Variants in GCDH observed in about 807,000 individuals in gnomAD.
GCDH encodes glutaryl-CoA dehydrogenase.
A neutral mutation model predicts 52.8 loss-of-function variants in GCDH; 31 were observed. The ratio of observed to expected loss-of-function variants is 0.59; its 90% CI spans 0.44 to 0.79. The LOEUF is 0.79. Among genes scored for constraint, GCDH ranks in the 30% least tolerant of loss-of-function variants. The pLI, the probability that GCDH is intolerant of heterozygous loss-of-function variation, is 0.00. For synonymous variants in GCDH, 242 were observed against 250.0 expected, an observed-to-expected ratio of 0.97 and a Z score of 0.30; for missense variants, 509 against 595.0, an observed-to-expected ratio of 0.86 and a Z score of 1.50.
chr19:12,897,579 A>G, intron 10 of GCDH, 124 bp from the exon 11 acceptor site: 1 of 1,433,422 alleles, frequency 7.0e-7, no homozygotes, highest in Non-Finnish European at 9.8e-7. Context: ...GGCTGAGGAC[A>G]GCCCCACTGG....
intron 6 of GCDH, chr19:12,894,763 TA>T: frequency 1.2e-6 from 1 of 830,334 alleles, no homozygotes; most frequent in Non-Finnish European, 1.9e-6. Flanking sequence ...CAGAATATGC[TA>T]AACTTTTGGC....
At chr19:12,894,511 G>T in intron 6 of GCDH, 2 of 698,314 alleles carry the variant, frequency 2.9e-6, no homozygotes, top group South Asian at 1.5e-5. Flanking sequence ...GACTGACTGA[G>T]ACTATGATGC....
At position 12,896,644 on chromosome 19, in the gene GCDH, C is replaced by T. The variant is rs11085825; in HGVS notation, c.852+223C>T. On this transcript the variant is annotated intron_variant, in intron 8 of 11. Coordinates refer to ENST00000222214, the MANE Select transcript of GCDH (RefSeq NM_000159.4). The surrounding 1 kb of genome is among the most constrained non-coding windows in gnomAD (Gnocchi z 5.5). The stretch of plus-strand genomic sequence containing the variant: ...ACACATGGGCCTGAACCAGCTCAGT[C>T]ATTTGACTCACAGTGCATCTTCTGG... 0.31 allele frequency among the ~76,000 whole-genome samples: 46,826 copies of T among 152,158 alleles called. 7,729 individuals carry two copies. The highest frequency in any genetic ancestry group is 0.38 in the Admixed American group (5,787 of 15,284).
rs780526140 is a variant in GCDH, at chr19:12,893,666, C to G, written c.505+13C>G. ...CTGCCCCAGCTGGGTGAGTGGCTGC[C>G]CATGGGGCCTGGTGGAAGGAAGACA... is the stretch of plus-strand genomic sequence containing the variant. On this transcript the variant is annotated intron_variant, in intron 6 of 11. Coordinates refer to ENST00000222214, the MANE Select transcript of GCDH (RefSeq NM_000159.4). The G allele has an allele frequency of 1.9e-6, 3 of 1,610,554 alleles. No individual in the cohort carries two copies. Among genetic ancestry groups the G allele is most frequent in the Admixed American group, 3.3e-5 (2 of 60,006 alleles).
At chr19:12,891,736 G>T in intron 3 of GCDH, 95 bp from the exon 4 acceptor site, 1 of 1,605,344 alleles carries the variant, frequency 6.2e-7, no homozygotes. Flanking sequence ...TAGCCGGGGG[G>T]CGACATGGGT....
intron 6 of GCDH, among the ~76,000 whole-genome samples, chr19:12,895,054 ATCTGTTCCC>A (rs1970643637): frequency 6.6e-6 from 1 of 151,834 alleles, no homozygotes; most frequent in Admixed American, 6.6e-5. Flanking sequence ...TTCTTTACAC[ATCTGTTCCC>A]TCTCCCAGCA....
At position 12,896,508 on chromosome 19, in the gene GCDH, C is replaced by T; in HGVS notation, c.852+87C>T. The T allele has an allele frequency of 9.9e-7, 1 of 1,005,774 alleles. No individual in the cohort carries two copies. The highest frequency in any genetic ancestry group is 2.0e-5 in the Admixed American group (1 of 50,474). 62.3% of individuals were successfully genotyped at this position (1,005,774 alleles called of 1,614,324 possible). The stretch of plus-strand genomic sequence containing the variant: ...AGGCTCCGTGCTGGGGACGCGGCTC[C>T]CTGTGCCTGTGGAGCCCACACAGTG... On this transcript the variant is annotated intron_variant, in intron 8 of 11. Transcript: ENST00000222214. This position sits in a 1 kb window ranked among gnomAD's most constrained non-coding sequence, Gnocchi z 5.5.
chr19:12,891,271 G>A lies in GCDH; in HGVS notation c.-34G>A. On this transcript the variant is annotated splice_region_variant and 5_prime_UTR_variant, in exon 2 of 12. Transcript: ENST00000222214. Reference sequence around the variant, plus strand: ...CGCTCTGACACCCCCGCTCCTGTAGGTCGCCGTCGTTGCTCCGCTCGCTCT... The same window carrying A: ...CGCTCTGACACCCCCGCTCCTGTAGATCGCCGTCGTTGCTCCGCTCGCTCT... 6.4e-7 allele frequency: 1 copy of A among 1,572,632 alleles called. No homozygotes were observed.
In GCDH at chr19:12,891,586, G is replaced by C. The variant is rs1799918; in HGVS notation, c.127+64G>C. ...GTTCAGCTGTCTGTCTGCCGCAGGT[G>C]GACTCTGTCCCAGAATCCGAGAGCT... On this transcript the variant is annotated intron_variant, in intron 3 of 11. Coordinates refer to ENST00000222214, the MANE Select transcript of GCDH (RefSeq NM_000159.4). The C allele has an allele frequency of 0.35, 564,694 of 1,613,288 alleles. 102,839 individuals are homozygous for C. The highest frequency in any genetic ancestry group is 0.42 in the Admixed American group (25,397 of 59,964).
At chr19:12,894,149 C>T in intron 6 of GCDH, 3 of 1,549,114 alleles carry the variant, frequency 1.9e-6, no homozygotes, top group East Asian at 2.2e-5. Context: ...CTGAACATCT[C>T]CTTCCCAGCC....
rs900788786 is a variant in GCDH at position 12,896,769 on chromosome 19, G to A, written c.853-141G>A. On this transcript the variant is annotated intron_variant, in intron 8 of 11. Coordinates refer to ENST00000222214, the MANE Select transcript of GCDH (RefSeq NM_000159.4). This position sits in a 1 kb window ranked among gnomAD's most constrained non-coding sequence, Gnocchi z 5.5. ...GCAGGCACCGAGCTTCAGTGCCAGG[G>A]CCATCTGTGATGTGAACCACAACCT... The A allele has an allele frequency of 2.8e-6, 2 of 705,568 alleles. No individual in the cohort carries two copies. The highest frequency in any genetic ancestry group is 1.7e-5 in the African/African-American group (1 of 57,188). The allele number at this position is 705,568 out of a possible 1,614,324, so 43.7% of individuals were successfully genotyped here. A position where few individuals can be genotyped will look rare whatever the true frequency, so the allele number is the denominator to read the frequency against.
intron 11 of GCDH, among the ~76,000 whole-genome samples, chr19:12,898,582 G>T (rs904938428): frequency 6.6e-6 from 1 of 151,158 alleles, no homozygotes; most frequent in Non-Finnish European, 1.5e-5. Flanking sequence ...AGCAGCGGGC[G>T]CCATGAGATG....
rs1254396827 is a variant in GCDH, at chr19:12,896,914, C to T, written c.857C>T (p.Pro286Leu). Reference sequence around the variant, plus strand: ...GGCGCCATCTCAACCCTACAGGGTCCCTTCGGCTGCCTGAACAACGCCCGG... The same window carrying T: ...GGCGCCATCTCAACCCTACAGGGTCTCTTCGGCTGCCTGAACAACGCCCGG... ...VLPGASSLGG[P>L]FGCLNNARYG... Residue 286 changes from proline (P) to leucine (L), a missense_variant, in exon 9 of 12, where the codon CCC becomes CTC. Transcript: ENST00000222214. This position sits in a 1 kb window ranked among gnomAD's most constrained non-coding sequence, Gnocchi z 5.5. 2 of 1,612,528 alleles carry T rather than the reference C, an allele frequency of 1.2e-6. No homozygotes were observed. Among genetic ancestry groups the T allele is most frequent in the African/African-American group, 2.7e-5 (2 of 74,910 alleles).
At chr19:12,892,470 T>G (rs1378316853) in intron 5 of GCDH, 1 of 493,452 alleles carries the variant, frequency 2.0e-6, no homozygotes, top group Non-Finnish European at 3.7e-6. Context: ...TTTTGTATTT[T>G]TAGTAGAGAC....
chr19:12,894,146 TCTC>T lies in GCDH; in HGVS notation c.505+496_505+498del, dbSNP rs1970619444. 3.2e-6 allele frequency: 5 copies of T among 1,539,930 alleles called. No homozygotes were observed. In the East Asian group the frequency reaches 6.7e-5, roughly 21 times the overall value. ...AGCTGCTTCAAGATGAAGCTGAACA[TCTC>T]CTTCCCAGCCACTGGCTGCCAGAAA... is the stretch of plus-strand genomic sequence containing the variant. On this transcript the variant is annotated intron_variant, in intron 6 of 11. Transcript: ENST00000222214.
In GCDH at chr19:12,899,572, G is replaced by C; in HGVS notation, c.*31G>C. On this transcript the variant is annotated 3_prime_UTR_variant, in exon 12 of 12. Transcript: ENST00000222214. The stretch of plus-strand genomic sequence containing the variant: ...TCCATCAGGGGCCCGAAACTCTCAA[G>C]CCCCTTTCTGGAGAGATGCCTGGCT... The C allele has an allele frequency of 6.2e-7, 1 of 1,614,014 alleles. No homozygotes were observed. The highest frequency in any genetic ancestry group is 8.5e-7 in the Non-Finnish European group (1 of 1,179,948).
chr19:12,894,911 C>T (rs575229256), intron 6 of GCDH: 16 of 254,812 alleles, frequency 6.3e-5, no homozygotes, highest in African/African-American at 4.0e-4. Context: ...AGATCAGATT[C>T]GCAAAAAAAA....
intron 5 of GCDH, 133 bp downstream of exon 5, chr19:12,892,311 C>G (rs758130825): frequency 1.2e-6 from 1 of 864,876 alleles, no homozygotes; most frequent in Admixed American, 2.1e-5. Context: ...TCTTCCCCCC[C>G]AACAGAGTCT....
chr19:12,897,449 G>A, intron 10 of GCDH, 21 bp downstream of exon 10: 1 of 1,611,878 alleles, frequency 6.2e-7, no homozygotes, highest in Non-Finnish European at 8.5e-7. Flanking sequence ...TGTGGTGGGG[G>A]CGGGGGGATG....
Sources: allele counts gnomAD v4.1 joint callset (sites outside exome capture counted in the v4.1 genomes callset), GRCh38; gene constraint gnomAD v4.1.1; non-coding constraint Gnocchi (gnomAD v3.1); transcripts MANE v1.5; gene names NCBI Gene and HGNC (gene_info 2026-07-23, HGNC 2026-07-21).